The following IPO11 variants were observed in gnomAD, a reference collection of about 807,000 sequenced individuals.
IPO11 encodes importin 11.
Under a neutral mutation model 143.2 loss-of-function variants are expected in IPO11, and 66 were observed. The observed-to-expected ratio is 0.46, with a 90% CI of 0.38 to 0.57. IPO11 has a LOEUF of 0.57. Among genes scored for constraint, IPO11 ranks in the 20% least tolerant of loss-of-function variants. The probability of loss-of-function intolerance (pLI) is 0.00; values close to 1 mark genes in which losing one functional copy is unlikely to be tolerated. For missense variants in IPO11, 1,026 were observed against 1,141.0 expected (o/e 0.90, Z 1.45); for synonymous variants, 385 against 377.8 (o/e 1.02, Z -0.22).
chr5:62,443,511 G>A (rs1302052230), intron 3 of IPO11, among the ~76,000 whole-genome samples: 1 of 150,676 alleles, frequency 6.6e-6, no homozygotes, highest in Non-Finnish European at 1.5e-5. Context: ...TGTTTTAGTC[G>A]TACCCACTTA....
chr5:62,561,434 T>C (rs1349488259), intron 27 of IPO11, among the ~76,000 whole-genome samples, 177 bp downstream of exon 27: 1 of 151,410 alleles, frequency 6.6e-6, no homozygotes, highest in African/African-American at 2.4e-5. Context: ...AAGCAGTGAG[T>C]GGGATAGGTA....
At chr5:62,423,861 T>A (rs539279038) in intron 1 of IPO11, among the ~76,000 whole-genome samples, 1 of 152,354 alleles carries the variant, frequency 6.6e-6, no homozygotes, top group South Asian at 2.1e-4. Flanking sequence ...TCCCCGGTCT[T>A]CACAGAAATT....
At chr5:62,447,111 A>ATT (rs57399904) in intron 3 of IPO11, among the ~76,000 whole-genome samples, 2 of 147,274 alleles carry the variant, frequency 1.4e-5, no homozygotes, top group East Asian at 1.9e-4. Flanking sequence ...ATATATATAT[A>ATT]TTTTTTTTTA....
intron 1 of IPO11, among the ~76,000 whole-genome samples, chr5:62,423,027 A>G (rs946145987): frequency 1.1e-4 from 16 of 152,326 alleles, no homozygotes; most frequent in African/African-American, 3.8e-4. Context: ...GCAGGATTAG[A>G]AAAAAGGGTG....
At chr5:62,612,204 A>G (rs924718086) in intron 29 of IPO11, among the ~76,000 whole-genome samples, 25 of 152,238 alleles carry the variant, frequency 1.6e-4, no homozygotes, top group African/African-American at 5.5e-4. Context: ...TCAGTGAACC[A>G]GTATTTTCCA....
At chr5:62,617,546 T>C (rs2112475899) in intron 29 of IPO11, among the ~76,000 whole-genome samples, 1 of 152,316 alleles carries the variant, frequency 6.6e-6, no homozygotes, top group South Asian at 2.1e-4. Context: ...CCCCTAAATA[T>C]TCTATTACAC....
At chr5:62,510,172 ATG>A (rs1347078152) in intron 19 of IPO11, among the ~76,000 whole-genome samples, 2 of 152,138 alleles carry the variant, frequency 1.3e-5, no homozygotes, top group Admixed American at 1.3e-4. Flanking sequence ...TCTTAGTTCT[ATG>A]TGATTTTTAA....
intron 24 of IPO11, among the ~76,000 whole-genome samples, chr5:62,545,871 A>C (rs979188201): frequency 1.3e-5 from 2 of 152,240 alleles, no homozygotes; most frequent in African/African-American, 4.8e-5. Context: ...TGGCCATCAG[A>C]GAAATGCAAA....
chr5:62,473,449 T>G (rs1160199067), intron 7 of IPO11, among the ~76,000 whole-genome samples: 1 of 152,186 alleles, frequency 6.6e-6, no homozygotes, highest in East Asian at 1.9e-4. Context: ...TACTCTTGAC[T>G]CTAATGTTAA....
rs188147033 is a variant in IPO11, at chr5:62,610,933, G to T, written c.2763+9085G>T. ...TTAGATATCATTAACTTATTACCAG[G>T]CCAGTTTCTTAAAATGGAAAGATGT... On this transcript the variant is annotated intron_variant, in intron 29 of 29. Coordinates refer to ENST00000325324, the MANE Select transcript of IPO11 (RefSeq NM_016338.5). 1.1e-3 allele frequency among the ~76,000 whole-genome samples: 161 copies of T among 152,118 alleles called. 1 individual carries two copies. The highest frequency in any genetic ancestry group is 4.8e-3 in the Admixed American group (73 of 15,284).
At chr5:62,492,872 T>C (rs1273626196) in intron 15 of IPO11, among the ~76,000 whole-genome samples, 1 of 152,164 alleles carries the variant, frequency 6.6e-6, no homozygotes, top group African/African-American at 2.4e-5. Flanking sequence ...TTTTTTCCTG[T>C]GTGCTTGATC....
At chr5:62,557,613 C>A (rs1172074839) in intron 26 of IPO11, among the ~76,000 whole-genome samples, 1 of 152,210 alleles carries the variant, frequency 6.6e-6, no homozygotes, top group Non-Finnish European at 1.5e-5. Flanking sequence ...CATCTATAGG[C>A]TAGTGAGCTA....
chr5:62,531,358 T>C (rs1295033268), intron 22 of IPO11, among the ~76,000 whole-genome samples: 1 of 152,120 alleles, frequency 6.6e-6, no homozygotes, highest in African/African-American at 2.4e-5. Context: ...TTTTTGGAGA[T>C]GGAGTTTCAC....
chr5:62,472,568 C>T (rs1243880695), intron 7 of IPO11, among the ~76,000 whole-genome samples: 3 of 148,828 alleles, frequency 2.0e-5, no homozygotes, highest in Non-Finnish European at 4.4e-5. Context: ...CACTCTGTCG[C>T]GCAGGCTGGA....
chr5:62,453,567 C>T (rs1055116699), intron 5 of IPO11, among the ~76,000 whole-genome samples: 2 of 152,158 alleles, frequency 1.3e-5, no homozygotes, highest in Non-Finnish European at 2.9e-5. Context: ...GTCTTGGGCT[C>T]ACAGTGTAGA....
At chr5:62,612,989 A>G (rs187297688) in intron 29 of IPO11, among the ~76,000 whole-genome samples, 126 of 152,358 alleles carry the variant, frequency 8.3e-4, no homozygotes, top group African/African-American at 2.9e-3. Context: ...AGATTATACC[A>G]AATTGCCAAT....
chr5:62,570,041 G>A (rs1481102628), intron 27 of IPO11, among the ~76,000 whole-genome samples: 2 of 152,100 alleles, frequency 1.3e-5, no homozygotes, highest in African/African-American at 2.4e-5. Context: ...CATAATTTGC[G>A]TAACATACCT....
intron 27 of IPO11, among the ~76,000 whole-genome samples, chr5:62,574,086 A>G (rs1268212447): frequency 1.3e-5 from 2 of 152,232 alleles, no homozygotes; most frequent in Non-Finnish European, 2.9e-5. Context: ...ATTATCCTCA[A>G]AATACAAACA....
intron 27 of IPO11, among the ~76,000 whole-genome samples, chr5:62,573,510 T>C (rs960052342): frequency 6.6e-6 from 1 of 152,182 alleles, no homozygotes; most frequent in Non-Finnish European, 1.5e-5. Context: ...TTATACTACA[T>C]AGTAGAAATA....
Sources: allele counts gnomAD v4.1 joint callset (sites outside exome capture counted in the v4.1 genomes callset), GRCh38; gene constraint gnomAD v4.1.1; transcripts MANE v1.5; gene names NCBI Gene and HGNC (gene_info 2026-07-23, HGNC 2026-07-21).